NLGN4X: variants seen among roughly 807,000 people sequenced by gnomAD.
NLGN4X encodes the protein neuroligin-4, X-linked.
A neutral mutation model predicts 40.3 loss-of-function variants in NLGN4X; 3 were observed. The observed-to-expected ratio is 0.07, with a 90% confidence interval of 0.03 to 0.19. The LOEUF (loss-of-function observed/expected upper bound fraction) is 0.19. Ranked by LOEUF, NLGN4X falls within the 10% of genes least tolerant of loss-of-function variation. NLGN4X has a pLI of 1.00. For synonymous variants in NLGN4X, 270 were observed against 306.8 expected, an observed-to-expected ratio of 0.88 and a Z score of 1.25; for missense variants, 382 against 708.3, an observed-to-expected ratio of 0.54 and a Z score of 5.23.
chrX:6,105,064 T>A (rs2039004104), intron 2 of NLGN4X, among the ~76,000 whole-genome samples: 1 of 100,444 alleles, frequency 1.0e-5, no homozygotes. Flanking sequence ...GTGTATTATC[T>A]CCTTTTTTTT....
At chrX:6,100,960 A>G (rs1425983703) in intron 2 of NLGN4X, among the ~76,000 whole-genome samples, 1 of 111,524 alleles carries the variant, frequency 9.0e-6, no homozygotes, top group South Asian at 3.8e-4. Flanking sequence ...GAGGCAGACT[A>G]GAGATCGATT....
At chrX:6,171,202 T>C (rs191503599) in intron 1 of NLGN4X, among the ~76,000 whole-genome samples, 58 of 112,347 alleles carry the variant, frequency 5.2e-4, no homozygotes, top group African/African-American at 1.8e-3. Flanking sequence ...TAAATCTCCT[T>C]CATTGAATTG....
intron 3 of NLGN4X, among the ~76,000 whole-genome samples, chrX:5,951,222 T>C (rs2034299596): frequency 1.8e-5 from 2 of 112,073 alleles, no homozygotes; most frequent in Non-Finnish European, 1.9e-5. Context: ...AAATAAGAAC[T>C]TTCTTCCAGT....
chrX:6,118,083 T>C (rs1439454547), intron 2 of NLGN4X, among the ~76,000 whole-genome samples: 2 of 110,941 alleles, frequency 1.8e-5, no homozygotes, highest in Non-Finnish European at 3.8e-5. Context: ...TCTCTCTCTT[T>C]CTCATACAAG....
In NLGN4X at chrX:6,086,930, G is replaced by A. The variant is rs138537070; in HGVS notation, c.473-57498C>T. On this transcript the variant is annotated intron_variant, in intron 2 of 5. Transcript: ENST00000381095. ...GTCACAGGTGTGACTCACCACACCCGGCTCATGCAACAAAGCTTTGATTAA... is the reference window on the plus strand; with the variant it reads ...GTCACAGGTGTGACTCACCACACCCAGCTCATGCAACAAAGCTTTGATTAA... Among the ~76,000 whole-genome samples, 472 of 111,580 alleles carry A rather than the reference G, an allele frequency of 4.2e-3. 1 individual carries two copies. The highest frequency in any genetic ancestry group is 0.015 in the African/African-American group (449 of 30,742).
intron 2 of NLGN4X, among the ~76,000 whole-genome samples, chrX:6,051,632 T>C (rs772549128): frequency 9.0e-5 from 10 of 110,958 alleles, no homozygotes; most frequent in African/African-American, 3.0e-4. Context: ...AAACCAACCA[T>C]GCCAACACCT....
At chrX:5,918,140 A>G (rs1271954958) in intron 3 of NLGN4X, among the ~76,000 whole-genome samples, 1 of 110,570 alleles carries the variant, frequency 9.0e-6, no homozygotes, top group African/African-American at 3.3e-5. Context: ...ATATCTTGAA[A>G]AATTACAGAA....
At chrX:6,116,201 G>A (rs2039278443) in intron 2 of NLGN4X, among the ~76,000 whole-genome samples, 1 of 96,806 alleles carries the variant, frequency 1.0e-5, no homozygotes, top group Non-Finnish European at 2.0e-5. Flanking sequence ...GCTAAGGCAG[G>A]AGAATGGCGT....
chrX:5,983,395 T>C (rs759451339), intron 3 of NLGN4X, among the ~76,000 whole-genome samples: 1 of 112,163 alleles, frequency 8.9e-6, no homozygotes, highest in Non-Finnish European at 1.9e-5. Context: ...AATATATACA[T>C]GATAACCAAT....
intron 5 of NLGN4X, among the ~76,000 whole-genome samples, chrX:5,899,384 T>C (rs936305342): frequency 8.1e-5 from 9 of 111,564 alleles, no homozygotes; most frequent in African/African-American, 2.9e-4. Context: ...TCCTTCCTCA[T>C]CTCTTCCAGC....
chrX:5,941,673 T>C (rs1038313770), intron 3 of NLGN4X, among the ~76,000 whole-genome samples: 1 of 112,240 alleles, frequency 8.9e-6, no homozygotes, highest in Non-Finnish European at 1.9e-5. Flanking sequence ...GGCTGATTTA[T>C]GAAAATGAAT....
At chrX:5,930,256 A>G (rs1290056713) in intron 3 of NLGN4X, among the ~76,000 whole-genome samples, 2 of 112,591 alleles carry the variant, frequency 1.8e-5, no homozygotes, top group African/African-American at 6.5e-5. Flanking sequence ...TTATGAAAAG[A>G]GTAACTGGCA....
intron 2 of NLGN4X, among the ~76,000 whole-genome samples, chrX:6,119,949 AAATT>A (rs1403164843): frequency 9.0e-5 from 10 of 111,528 alleles, no homozygotes; most frequent in African/African-American, 3.3e-4. Context: ...TAGATTAGAT[AAATT>A]AATTAACCTA....
chrX:6,191,072 C>CT (rs1251241727), intron 1 of NLGN4X, among the ~76,000 whole-genome samples: 1 of 108,978 alleles, frequency 9.2e-6, no homozygotes, highest in Non-Finnish European at 1.9e-5. Context: ...CTGCTTTCTA[C>CT]TTTTATTTGT....
At chrX:6,218,474 C>CCA (rs371223344) in intron 1 of NLGN4X, among the ~76,000 whole-genome samples, 1,585 of 46,939 alleles carry the variant, frequency 0.034, 14 homozygotes, top group Non-Finnish European at 0.044. Flanking sequence ...GAGATTAAAC[C>CCA]CACACACACA....
chrX:6,023,254 C>T (rs747129944), intron 3 of NLGN4X, among the ~76,000 whole-genome samples: 2 of 111,657 alleles, frequency 1.8e-5, no homozygotes, highest in Non-Finnish European at 3.8e-5. Flanking sequence ...GTTAATGCCA[C>T]CATCACCGTG....
At chrX:6,122,985 T>C (rs1286998627) in intron 2 of NLGN4X, among the ~76,000 whole-genome samples, 1 of 107,804 alleles carries the variant, frequency 9.3e-6, no homozygotes, top group Non-Finnish European at 1.9e-5. Flanking sequence ...GTATGGAAGA[T>C]GGAAATAGAA....
At chrX:6,082,883 T>G (rs1220199363) in intron 2 of NLGN4X, among the ~76,000 whole-genome samples, 1 of 109,145 alleles carries the variant, frequency 9.2e-6, no homozygotes, top group Non-Finnish European at 1.9e-5. Context: ...TTAAGGAGTC[T>G]TCTGTGCTGT....
chrX:5,911,197 A>G (rs778408521), intron 3 of NLGN4X, among the ~76,000 whole-genome samples: 1 of 111,515 alleles, frequency 9.0e-6, no homozygotes. Context: ...GGCACGAGCA[A>G]TTTTCTAACA....
Sources: gnomAD v4.1 joint callset for allele counts (sites outside exome capture counted in the v4.1 genomes callset) on GRCh38, gnomAD v4.1.1 for gene constraint, MANE v1.5 for transcripts, NCBI Gene and HGNC (gene_info 2026-07-23, HGNC 2026-07-21) for gene names.